Variants in CRTAC1 observed in about 807,000 individuals in gnomAD.
CRTAC1 encodes cartilage acidic protein 1.
In CRTAC1, 37 loss-of-function variants were observed where a neutral mutation model predicts 67.8. That is an observed-to-expected ratio of 0.55 (90% confidence interval 0.42 to 0.72). The LOEUF is 0.72. Ranked by LOEUF, CRTAC1 falls within the 30% of genes least tolerant of loss-of-function variation. The pLI, the probability that CRTAC1 is intolerant of heterozygous loss-of-function variation, is 0.00. For missense variants in CRTAC1, 780 were observed against 931.6 expected, an observed-to-expected ratio of 0.84 and a Z score of 2.12; for synonymous variants, 348 against 371.0, an observed-to-expected ratio of 0.94 and a Z score of 0.71.
intron 2 of CRTAC1, among the ~76,000 whole-genome samples, chr10:97,937,204 G>A (rs986853466): frequency 1.3e-5 from 2 of 152,176 alleles, no homozygotes; most frequent in African/African-American, 4.8e-5. Context: ...TGAAGCCCCA[G>A]GCACTTTCTT....
chr10:98,013,236 GGGCATGGAAGAGAAAAGT>G (rs1274347257), intron 1 of CRTAC1, among the ~76,000 whole-genome samples: 7 of 152,172 alleles, frequency 4.6e-5, no homozygotes, highest in African/African-American at 1.4e-4. Flanking sequence ...CATCAGCAAT[GGGCATGGAAGAGAAAAGT>G]GGCATCTAAC....
intron 14 of CRTAC1, chr10:97,879,842 A>ATTTCAT: frequency 1.6e-6 from 1 of 619,334 alleles, no homozygotes; most frequent in Non-Finnish European, 2.7e-6. Flanking sequence ...AATGGGAAAA[A>ATTTCAT]GAGAAAGGGG....
chr10:97,985,576 A>G (rs2051967203), intron 2 of CRTAC1, among the ~76,000 whole-genome samples: 1 of 152,086 alleles, frequency 6.6e-6, no homozygotes, highest in African/African-American at 2.4e-5. Context: ...ATGGAGGCCA[A>G]CTGTGCATCT....
Position 98,027,276 on chromosome 10 carries a change from G to A in CRTAC1, c.24+3173C>T, listed in dbSNP as rs189801803. Among the ~76,000 whole-genome samples the A allele has an allele frequency of 6.0e-4, 92 of 152,246 alleles. 1 individual carries two copies. Among genetic ancestry groups the A allele is most frequent in the Non-Finnish European group, 7.4e-4 (50 of 68,020 alleles). The stretch of plus-strand genomic sequence containing the variant: ...GCCAGGCTCTCGGAACAGAAGAAAG[G>A]GCAATGGAAATGGTAGTATCTTGCA... On this transcript the variant is annotated intron_variant, in intron 1 of 14. Transcript: ENST00000370597.
Position 97,917,654 on chromosome 10 carries a change from G to A in CRTAC1, c.561C>T (p.Gly187=), listed in dbSNP as rs1380546246. 3 of 1,546,312 alleles carry A rather than the reference G, an allele frequency of 1.9e-6. No homozygotes were observed. Among genetic ancestry groups the A allele is most frequent in the Non-Finnish European group, 1.8e-6 (2 of 1,137,506 alleles). Residue 187 remains glycine, a splice_region_variant and synonymous_variant, in exon 5 of 15, where the codon GGC becomes GGT. Coordinates refer to ENST00000370597, the MANE Select transcript of CRTAC1 (RefSeq NM_018058.7). ...GRSVACVDRK[G]SGRYSIYIAN... ...CAATGTAGATAGAGTAGCGTCCAGAGCCCTGAGGAAGAAGGGAAGGGAGAG... is the reference window on the plus strand; with the variant it reads ...CAATGTAGATAGAGTAGCGTCCAGAACCCTGAGGAAGAAGGGAAGGGAGAG...
intron 2 of CRTAC1, among the ~76,000 whole-genome samples, chr10:97,987,488 G>A (rs2052000367): frequency 6.6e-6 from 1 of 152,198 alleles, no homozygotes; most frequent in Non-Finnish European, 1.5e-5. Flanking sequence ...ATAAATGGGT[G>A]CTGAAGTGGA....
At chr10:98,015,466 C>A (rs974039767) in intron 1 of CRTAC1, among the ~76,000 whole-genome samples, 3 of 152,044 alleles carry the variant, frequency 2.0e-5, no homozygotes, top group Admixed American at 2.0e-4. Flanking sequence ...CATAACATCA[C>A]TAAAGTATAT....
chr10:98,014,868 C>G (rs1233699939), intron 1 of CRTAC1, among the ~76,000 whole-genome samples: 1 of 152,200 alleles, frequency 6.6e-6, no homozygotes, highest in Non-Finnish European at 1.5e-5. Context: ...AATAATGCAG[C>G]TGCTGTGAAA....
intron 2 of CRTAC1, among the ~76,000 whole-genome samples, chr10:97,937,406 T>C (rs2051107559): frequency 6.6e-6 from 1 of 152,122 alleles, no homozygotes; most frequent in Non-Finnish European, 1.5e-5. Context: ...TCTCTATCTC[T>C]CACTAATGCT....
chr10:97,938,214 C>T (rs1454273232), intron 2 of CRTAC1, among the ~76,000 whole-genome samples: 2 of 152,126 alleles, frequency 1.3e-5, no homozygotes, highest in South Asian at 2.1e-4. Flanking sequence ...CCTATGGAGA[C>T]GTGTCTAGGC....
At chr10:97,987,188 G>C (rs1281473779) in intron 2 of CRTAC1, among the ~76,000 whole-genome samples, 1 of 152,204 alleles carries the variant, frequency 6.6e-6, no homozygotes, top group Non-Finnish European at 1.5e-5. Context: ...GCATTTGAGA[G>C]AGTAAGGTTG....
At chr10:97,911,419 T>C (rs1233844510) in intron 5 of CRTAC1, among the ~76,000 whole-genome samples, 3 of 152,246 alleles carry the variant, frequency 2.0e-5, no homozygotes, top group African/African-American at 7.2e-5. Context: ...GTAACCACAC[T>C]ACTAATTAGC....
At chr10:97,880,213 C>T (rs17108661) in intron 14 of CRTAC1, 36 bp downstream of exon 14, 3 of 1,607,366 alleles carry the variant, frequency 1.9e-6, no homozygotes, top group South Asian at 1.1e-5. Context: ...AAGCAACATC[C>T]TTTTGCTACT....
chr10:97,874,999 C>G (rs2050131185), intron 14 of CRTAC1, among the ~76,000 whole-genome samples: 2 of 152,218 alleles, frequency 1.3e-5, no homozygotes, highest in Non-Finnish European at 2.9e-5. Flanking sequence ...CAGTGTTGTT[C>G]ACAGATGTAT....
intron 7 of CRTAC1, 59 bp from the exon 8 acceptor site, chr10:97,901,698 C>T: frequency 6.2e-7 from 1 of 1,602,818 alleles, no homozygotes; most frequent in East Asian, 2.2e-5. Context: ...GGGAGGCCAG[C>T]TCTCCTCTAT....
At chr10:97,911,952 T>C (rs1277864313) in intron 5 of CRTAC1, among the ~76,000 whole-genome samples, 3 of 152,136 alleles carry the variant, frequency 2.0e-5, no homozygotes, top group Non-Finnish European at 4.4e-5. Context: ...CTTTTATAAT[T>C]TGAGGCCAGC....
intron 2 of CRTAC1, among the ~76,000 whole-genome samples, chr10:98,009,368 A>G (rs11189465): frequency 0.16 from 24,947 of 152,172 alleles, 2,542 homozygotes; most frequent in Non-Finnish European, 0.23. Flanking sequence ...ATAGCACACC[A>G]ATCTACATCT....
At chr10:98,022,404 A>G (rs1843143550) in intron 1 of CRTAC1, among the ~76,000 whole-genome samples, 1 of 152,066 alleles carries the variant, frequency 6.6e-6, no homozygotes. Flanking sequence ...AGAAAAAAAG[A>G]GACAGGTACA....
At chr10:98,022,031 C>T (rs971769832) in intron 1 of CRTAC1, among the ~76,000 whole-genome samples, 2 of 152,130 alleles carry the variant, frequency 1.3e-5, no homozygotes, top group Non-Finnish European at 2.9e-5. Flanking sequence ...GGGTGAGACA[C>T]AATTCAGTGG....
Sources: allele counts gnomAD v4.1 joint callset (sites outside exome capture counted in the v4.1 genomes callset), GRCh38; gene constraint gnomAD v4.1.1; transcripts MANE v1.5; gene names NCBI Gene and HGNC (gene_info 2026-07-23, HGNC 2026-07-21).